The following TTC24 variants were observed in gnomAD, a reference collection of about 807,000 sequenced individuals.
The protein encoded by TTC24 is tetratricopeptide repeat domain 24.
In TTC24, 54 loss-of-function variants were observed where a neutral mutation model predicts 63.3. The observed-to-expected ratio is 0.85, with a 90% CI of 0.69 to 1.07. The LOEUF (loss-of-function observed/expected upper bound fraction) is 1.07. Among genes scored for constraint, TTC24 ranks in the 50% least tolerant of loss-of-function variants. TTC24 has a pLI of 0.00. For missense variants in TTC24, 680 were observed against 730.5 expected, an observed-to-expected ratio of 0.93 and a Z score of 0.80; for synonymous variants, 276 against 304.3, an observed-to-expected ratio of 0.91 and a Z score of 0.97.
chr1:156,583,967 G>C lies in TTC24; in HGVS notation c.1251+72G>C. ...CCAGAGAAGGGGTTGGTGGTAAGCA[G>C]AGACGCTGTTCCCTGGGATGCTGCG... is the stretch of plus-strand genomic sequence containing the variant. On this transcript the variant is annotated intron_variant, in intron 6 of 10. Transcript: ENST00000368236. The surrounding 1 kb of genome is among the most constrained non-coding windows in gnomAD (Gnocchi z 4.0). 1.5e-6 allele frequency: 2 copies of C among 1,353,886 alleles called. No individual in the cohort carries two copies. The highest frequency in any genetic ancestry group is 2.0e-5 in the Admixed American group (1 of 50,152). The allele number at this position is 1,353,886 out of a possible 1,614,324, so 83.9% of individuals were successfully genotyped here.
rs755338945 is a variant in TTC24, at chr1:156,585,231, C to G, written c.1456C>G (p.Leu486Val). The change falls in exon 8 of 11, where the codon CTG becomes GTG. Residue 486 changes from leucine to valine, a missense_variant and splice_region_variant. By Grantham distance (32) the Leu-to-Val change is conservative. Coordinates refer to ENST00000368236, the MANE Select transcript of TTC24 (RefSeq NM_001105669.4). ...GAGGGCTGGGCCGGGAAGACCAGAG[C>G]GTGAGTTGATGTAGAGTATTCCTGG... ...PVRAGPGRPE[L>V]CFLPGTVNHS... 3 of 1,608,906 alleles carry G rather than the reference C, an allele frequency of 1.9e-6. No homozygotes were observed. The highest frequency in any genetic ancestry group is 1.7e-6 in the Non-Finnish European group (2 of 1,177,518).
In TTC24 at chr1:156,581,506, C is replaced by G; in HGVS notation, c.142C>G (p.Gln48Glu). 2 of 1,551,412 alleles carry G rather than the reference C, an allele frequency of 1.3e-6. No individual in the cohort carries two copies. The highest frequency in any genetic ancestry group is 1.7e-6 in the Non-Finnish European group (2 of 1,146,786). Residue 48 changes from glutamine (Q) to glutamate (E), a missense_variant, in exon 2 of 11, where the codon CAG (glutamine) becomes GAG (glutamate). Physicochemically the swap from Gln to Glu is conservative, Grantham distance 29. Coordinates refer to ENST00000368236, the MANE Select transcript of TTC24 (RefSeq NM_001105669.4). ...ALTRAGHGAL[Q>E]AGQNHEALNN... is the part of the protein sequence containing the mutation. ...CACCAGGGCTGGCCATGGGGCCCTT[C>G]AGGCTGGCCAGAACCATGAAGCCTT... is the stretch of plus-strand genomic sequence containing the variant.
rs759853240 is a variant in TTC24, at chr1:156,583,942, C to G, written c.1251+47C>G. 2 of 1,489,318 alleles carry G rather than the reference C, an allele frequency of 1.3e-6. No homozygotes were observed. The highest frequency in any genetic ancestry group is 1.2e-5 in the South Asian group (1 of 82,666). 92.3% of individuals were successfully genotyped at this position (1,489,318 alleles called of 1,614,324 possible). A position where few individuals can be genotyped will look rare whatever the true frequency, so the allele number is the denominator to read the frequency against. On this transcript the variant is annotated intron_variant, in intron 6 of 10. Transcript: ENST00000368236. This position sits in a 1 kb window ranked among gnomAD's most constrained non-coding sequence, Gnocchi z 4.0. Reference sequence around the variant, plus strand: ...GGAGATGGGGGTGGAGAGAGGTTACCCAGAGAAGGGGTTGGTGGTAAGCAG... The same window carrying G: ...GGAGATGGGGGTGGAGAGAGGTTACGCAGAGAAGGGGTTGGTGGTAAGCAG...
chr1:156,586,229 C>T (rs1677168811), intron 10 of TTC24, among the ~76,000 whole-genome samples, 184 bp downstream of exon 10: 2 of 152,176 alleles, frequency 1.3e-5, no homozygotes, highest in South Asian at 4.1e-4. Context: ...ACAACCCTCA[C>T]CCGGCTCTGG....
chr1:156,585,204 G>T lies in TTC24; in HGVS notation c.1429G>T (p.Val477Leu). Residue 477 changes from valine (V) to leucine (L), a missense_variant, in exon 8 of 11, where the codon GTG becomes TTG. Coordinates refer to ENST00000368236, the MANE Select transcript of TTC24 (RefSeq NM_001105669.4). ...KKEERSANVP[V>L]RAGPGRPELC... is the part of the protein sequence containing the mutation. ...AGAGGAGAGGTCGGCAAACGTTCCG[G>T]TGAGGGCTGGGCCGGGAAGACCAGA... The T allele has an allele frequency of 6.2e-7, 1 of 1,613,240 alleles. No homozygotes were observed.
chr1:156,582,134 G>T lies in TTC24; in HGVS notation c.706+64G>T, dbSNP rs552455128. ...GACACAGAGCCTGATGATACTCAGA[G>T]GGCTGGGTTTGGGGAACCCTGGAGG... On this transcript the variant is annotated intron_variant, in intron 2 of 10. Coordinates refer to ENST00000368236, the MANE Select transcript of TTC24 (RefSeq NM_001105669.4). The T allele has an allele frequency of 8.2e-6, 12 of 1,463,308 alleles. No homozygotes were observed. In the Admixed American group the frequency reaches 3.2e-4, roughly 39 times the overall value. 90.6% of individuals were successfully genotyped at this position (1,463,308 alleles called of 1,614,324 possible).
Position 156,583,377 on chromosome 1 carries a change from G to A in TTC24, c.1079G>A (p.Gly360Glu), listed in dbSNP as rs1218455283. 3.7e-6 allele frequency: 6 copies of A among 1,612,390 alleles called. No homozygotes were observed. The highest frequency in any genetic ancestry group is 5.1e-6 in the Non-Finnish European group (6 of 1,179,378). ...KGQWQACEGLGAAAARLGQYD... is the reference protein window; with the variant it reads ...KGQWQACEGLEAAAARLGQYD... ...CAGTGGCAGGCCTGTGAGGGTCTGG[G>A]GGCTGCTGCAGCCAGGCTGGGGCAG... The change falls in exon 5 of 11, where the codon GGG becomes GAG. Residue 360 changes from glycine to glutamate, a missense_variant. Transcript: ENST00000368236. The surrounding 1 kb of genome is among the most constrained non-coding windows in gnomAD (Gnocchi z 4.0).
At position 156,582,466 on chromosome 1, in the gene TTC24, G is replaced by A. The variant is rs756865890; in HGVS notation, c.910+32G>A. On this transcript the variant is annotated intron_variant, in intron 3 of 10. Coordinates refer to ENST00000368236, the MANE Select transcript of TTC24 (RefSeq NM_001105669.4). Reference sequence around the variant, plus strand: ...GCCTGGGGCCGGGGAATGGGACTGGGACTAAGACACTAAGAAGGGGTTCCA... The same window carrying A: ...GCCTGGGGCCGGGGAATGGGACTGGAACTAAGACACTAAGAAGGGGTTCCA... 1.9e-6 allele frequency: 3 copies of A among 1,601,486 alleles called. No individual in the cohort carries two copies. The South Asian group carries it at 3.3e-5, about 18-fold the overall frequency.
chr1:156,584,994 A>C lies in TTC24; in HGVS notation c.1349+20A>C, dbSNP rs779549237. On this transcript the variant is annotated intron_variant, in intron 7 of 10. Transcript: ENST00000368236. Reference sequence around the variant, plus strand: ...GCACAGGTGAGGGTGGGAATGGTGCAGCAGAGATGCATGCGCCCTCTGCAG... The same window carrying C: ...GCACAGGTGAGGGTGGGAATGGTGCCGCAGAGATGCATGCGCCCTCTGCAG... 2 of 1,569,372 alleles carry C rather than the reference A, an allele frequency of 1.3e-6. No individual in the cohort carries two copies. The highest frequency in any genetic ancestry group is 4.5e-5 in the East Asian group (2 of 44,100).
In TTC24 at chr1:156,583,831, C is replaced by T. The variant is rs755069741; in HGVS notation, c.1187C>T (p.Ala396Val). 2.5e-6 allele frequency: 4 copies of T among 1,580,650 alleles called. No individual in the cohort carries two copies. Among genetic ancestry groups the T allele is most frequent in the Non-Finnish European group, 3.4e-6 (4 of 1,165,304 alleles). The change falls in exon 6 of 11, where the codon GCC becomes GTC. Residue 396 changes from alanine (A) to valine (V), a missense_variant. By Grantham distance (64) the Ala-to-Val change is moderately conservative. Transcript: ENST00000368236. This position sits in a 1 kb window ranked among gnomAD's most constrained non-coding sequence, Gnocchi z 4.0. ...EPDSVRERLV[A>V]KLADTVRTRL... is the part of the protein sequence containing the mutation. The stretch of plus-strand genomic sequence containing the variant: ...GATTCTGTGCGAGAACGGCTGGTGG[C>T]CAAGCTGGCAGACACCGTGAGGACG...
In TTC24 at chr1:156,584,742, C is replaced by G. The variant is rs1275996488; in HGVS notation, c.1252-135C>G. The G allele has an allele frequency of 5.4e-6, 3 of 553,990 alleles. No homozygotes were observed. The East Asian group carries it at 9.5e-5, about 18-fold the overall frequency. 34.3% of individuals were successfully genotyped at this position (553,990 alleles called of 1,614,324 possible). ...ACCTTAATAGAACAAAGAGCCTCACCCCAGAATTGTATTCTCCGAGACAAG... is the reference window on the plus strand; with the variant it reads ...ACCTTAATAGAACAAAGAGCCTCACGCCAGAATTGTATTCTCCGAGACAAG... On this transcript the variant is annotated intron_variant, in intron 6 of 10. Coordinates refer to ENST00000368236, the MANE Select transcript of TTC24 (RefSeq NM_001105669.4).
In TTC24 at chr1:156,584,860, C is replaced by G; in HGVS notation, c.1252-17C>G. ...GTTTTTCTCAGACCTATTCCCTTTA[C>G]TCCACTTCATTCCCAGACTTCGGCT... On this transcript the variant is annotated splice_polypyrimidine_tract_variant and intron_variant, in intron 6 of 10. Transcript: ENST00000368236. The G allele has an allele frequency of 1.3e-6, 2 of 1,533,578 alleles. No homozygotes were observed. The highest frequency in any genetic ancestry group is 1.8e-6 in the Non-Finnish European group (2 of 1,139,388). The allele number at this position is 1,533,578 out of a possible 1,614,324, so 95.0% of individuals were successfully genotyped here.
chr1:156,581,572 C>T lies in TTC24; in HGVS notation c.208C>T (p.Pro70Ser). The change falls in exon 2 of 11, where the codon CCA becomes TCA. Residue 70 changes from proline to serine, a missense_variant. By Grantham distance (74) the Pro-to-Ser change is moderately conservative. Coordinates refer to ENST00000368236, the MANE Select transcript of TTC24 (RefSeq NM_001105669.4). ...QRAFLLASKAPQTRDTPVLQA... is the reference protein window; with the variant it reads ...QRAFLLASKASQTRDTPVLQA... ...GGCCTTCCTTCTGGCCTCCAAGGCC[C>T]CACAAACCAGGGATACCCCTGTGCT... 1.3e-6 allele frequency: 2 copies of T among 1,551,606 alleles called. No homozygotes were observed. Among genetic ancestry groups the T allele is most frequent in the Non-Finnish European group, 1.7e-6 (2 of 1,146,918 alleles).
chr1:156,581,431 A>G lies in TTC24; in HGVS notation c.67A>G (p.Lys23Glu). The G allele has an allele frequency of 2.6e-6, 4 of 1,548,278 alleles. No homozygotes were observed. Among genetic ancestry groups the G allele is most frequent in the Non-Finnish European group, 3.5e-6 (4 of 1,145,608 alleles). Reference protein sequence around the residue: ...PEPEPSSSNKKKKKRKWLRQE... With the variant: ...PEPEPSSSNKEKKKRKWLRQE... ...ACCTGAGCCCTCAAGCTCCAATAAG[A>G]AAAAGAAGAAAAGAAAGTGGCTGCG... Residue 23 changes from lysine to glutamate, a missense_variant, in exon 2 of 11, where the codon AAA becomes GAA. Lys to Glu is a moderately conservative substitution (Grantham distance 56, BLOSUM62 1). Transcript: ENST00000368236.
intron 1 of TTC24, among the ~76,000 whole-genome samples, chr1:156,580,765 C>T (rs764166438): frequency 7.2e-5 from 11 of 152,164 alleles, no homozygotes; most frequent in Admixed American, 2.6e-4. Flanking sequence ...TGTGAGCCAT[C>T]GCACCTGGCC....
At chr1:156,580,423 C>T (rs570627469) in intron 1 of TTC24, among the ~76,000 whole-genome samples, 2 of 152,110 alleles carry the variant, frequency 1.3e-5, no homozygotes, top group African/African-American at 4.8e-5. Flanking sequence ...TCTGTGGAGG[C>T]ACAGTGTGAA....
At position 156,581,570 on chromosome 1, in the gene TTC24, C is replaced by T. The variant is rs1457252323; in HGVS notation, c.206C>T (p.Ala69Val). Residue 69 changes from alanine (A) to valine (V), a missense_variant, in exon 2 of 11, where the codon GCC becomes GTC. Physicochemically the swap from Ala to Val is moderately conservative, Grantham distance 64 (BLOSUM62 0). Transcript: ENST00000368236. The part of the protein sequence containing the change: ...FQRAFLLASK[A>V]PQTRDTPVLQ... ...AGGGCCTTCCTTCTGGCCTCCAAGG[C>T]CCCACAAACCAGGGATACCCCTGTG... The T allele has an allele frequency of 1.3e-6, 2 of 1,551,460 alleles. No homozygotes were observed. The highest frequency in any genetic ancestry group is 2.7e-5 in the African/African-American group (2 of 73,060).
chr1:156,585,926 T>C (rs1474402084), intron 9 of TTC24, 23 bp from the exon 10 acceptor site: 3 of 1,601,988 alleles, frequency 1.9e-6, no homozygotes, highest in South Asian at 2.2e-5. Context: ...ACGTGATGAA[T>C]GTGTCTGTCC....
Position 156,581,999 on chromosome 1 carries a change from TG to T in TTC24, c.640del (p.Glu214LysfsTer29). The T allele has an allele frequency of 1.3e-6, 2 of 1,482,876 alleles. No individual in the cohort carries two copies. Among genetic ancestry groups the T allele is most frequent in the Non-Finnish European group, 1.8e-6 (2 of 1,117,610 alleles). 91.9% of individuals were successfully genotyped at this position (1,482,876 alleles called of 1,614,324 possible). On this transcript the variant is annotated frameshift_variant, in exon 2 of 11. Transcript: ENST00000368236. LOFTEE classifies it high-confidence loss of function. Reference sequence around the variant, plus strand: ...ATGCTGAAGAGTGGGCGGCATCGGGTGGGGGAAGTTGTGCAGGTGCTGGAGA... The same window carrying T: ...ATGCTGAAGAGTGGGCGGCATCGGGTGGGGAAGTTGTGCAGGTGCTGGAGA... ...GCMLKSGRHR[V>X]GEVVQVLEKS...
Sources: gnomAD v4.1 joint callset for allele counts (sites outside exome capture counted in the v4.1 genomes callset) on GRCh38, gnomAD v4.1.1 for gene constraint, Gnocchi (gnomAD v3.1) non-coding constraint, MANE v1.5 for transcripts, NCBI Gene and HGNC (gene_info 2026-07-23, HGNC 2026-07-21) for gene names.